The following FBXO22 variants were observed in gnomAD, a reference collection of about 807,000 sequenced individuals.
The protein encoded by FBXO22 is F-box only protein 22.
FBXO22 carries 13 observed loss-of-function variants against 37.2 expected under a neutral mutation model. The ratio of observed to expected loss-of-function variants is 0.35; its 90% CI spans 0.23 to 0.56. The LOEUF is 0.56. Among genes scored for constraint, FBXO22 ranks in the 20% least tolerant of loss-of-function variants. FBXO22 has a pLI of 0.87. For missense variants in FBXO22, 446 were observed against 509.9 expected, an observed-to-expected ratio of 0.87 and a Z score of 1.21; for synonymous variants, 189 against 189.1, an observed-to-expected ratio of 1.00 and a Z score of 0.00.
Position 75,934,812 on chromosome 15 carries a change from G to T in FBXO22, c.*1710G>T, listed in dbSNP as rs1306123764. On this transcript the variant is annotated 3_prime_UTR_variant, in exon 7 of 7. Transcript: ENST00000308275. ...ACTTTATTGTCCCTGATATTAACCA[G>T]AATTGGTTGAATAGTAGAGGAAAAG... 1.3e-5 allele frequency: 2 copies of T among 152,102 alleles called. No homozygotes were observed. Among genetic ancestry groups the T allele is most frequent in the Admixed American group, 1.3e-4 (2 of 15,270 alleles). 9.4% of individuals were successfully genotyped at this position (152,102 alleles called of 1,614,324 possible).
rs771290236 is a variant in FBXO22 at position 75,941,446 on chromosome 15, G to A, written c.*8344G>A. Reference sequence around the variant, plus strand: ...GGGTATATACACAAAATAATTGAAAGCGGAGGCTTGAGGGTATATTTGTAT... The same window carrying A: ...GGGTATATACACAAAATAATTGAAAACGGAGGCTTGAGGGTATATTTGTAT... On this transcript the variant is annotated 3_prime_UTR_variant, in exon 7 of 7. Transcript: ENST00000308275. 2.0e-5 allele frequency: 3 copies of A among 152,156 alleles called. No individual in the cohort carries two copies. The highest frequency in any genetic ancestry group is 7.2e-5 in the African/African-American group (3 of 41,452). 9.4% of individuals were successfully genotyped at this position (152,156 alleles called of 1,614,324 possible).
intron 1 of FBXO22, 156 bp downstream of exon 1, chr15:75,904,259 C>A: frequency 8.3e-7 from 1 of 1,198,304 alleles, no homozygotes; most frequent in Non-Finnish European, 1.1e-6. Context: ...CGAGGTATCT[C>A]CCAGCCGTGG....
Position 75,934,597 on chromosome 15 carries a change from C to G in FBXO22, c.*1495C>G, listed in dbSNP as rs1278575475. 6.6e-6 allele frequency: 1 copy of G among 151,802 alleles called. No individual in the cohort carries two copies. The highest frequency in any genetic ancestry group is 1.5e-5 in the Non-Finnish European group (1 of 67,978). 9.4% of individuals were successfully genotyped at this position (151,802 alleles called of 1,614,324 possible). On this transcript the variant is annotated 3_prime_UTR_variant, in exon 7 of 7. Transcript: ENST00000308275. ...TATTTATATATATATGATAAAAATG[C>G]TTGGAAGAGTCCTTTAATTTATGGT...
At chr15:75,926,683 C>A (rs1435033194) in intron 5 of FBXO22, among the ~76,000 whole-genome samples, 1 of 152,142 alleles carries the variant, frequency 6.6e-6, no homozygotes, top group African/African-American at 2.4e-5. Context: ...AAACGAGTGG[C>A]TGTGTACTCT....
intron 1 of FBXO22, 121 bp from the exon 2 acceptor site, chr15:75,904,370 C>G (rs536690717): frequency 1.6e-5 from 23 of 1,462,486 alleles, no homozygotes; most frequent in Non-Finnish European, 2.0e-5. Flanking sequence ...CCTACCTACC[C>G]CGGGGACTTT....
At chr15:75,927,658 A>G (rs1023720204) in intron 5 of FBXO22, among the ~76,000 whole-genome samples, 1 of 152,234 alleles carries the variant, frequency 6.6e-6, no homozygotes, top group Non-Finnish European at 1.5e-5. Context: ...AAGATGCTTT[A>G]GCAATGGTTT....
chr15:75,930,060 T>C lies in FBXO22; in HGVS notation c.794+11T>C, dbSNP rs775794407. On this transcript the variant is annotated intron_variant, in intron 6 of 6. Coordinates refer to ENST00000308275, the MANE Select transcript of FBXO22 (RefSeq NM_147188.3). ...ACTGACTTCTGAAAAGTATGTCTTGTGTGCTTCTGATTTCGTCTGTGAATG... is the reference window on the plus strand; with the variant it reads ...ACTGACTTCTGAAAAGTATGTCTTGCGTGCTTCTGATTTCGTCTGTGAATG... 2.5e-6 allele frequency: 4 copies of C among 1,613,902 alleles called. No individual in the cohort carries two copies. The highest frequency in any genetic ancestry group is 3.4e-6 in the Non-Finnish European group (4 of 1,179,792).
rs2030201421 is a variant in FBXO22 at position 75,934,666 on chromosome 15, G to C, written c.*1564G>C. On this transcript the variant is annotated 3_prime_UTR_variant, in exon 7 of 7. Transcript: ENST00000308275. ...CTGAGGCAAGTCCAAAGAAAAATTT[G>C]TCAAAACTTTTCATCTATGAATATT... The C allele has an allele frequency of 6.6e-6, 1 of 152,098 alleles. No homozygotes were observed. 9.4% of individuals were successfully genotyped at this position (152,098 alleles called of 1,614,324 possible).
chr15:75,936,917 T>C lies in FBXO22; in HGVS notation c.*3815T>C, dbSNP rs982442864. On this transcript the variant is annotated 3_prime_UTR_variant, in exon 7 of 7. Coordinates refer to ENST00000308275, the MANE Select transcript of FBXO22 (RefSeq NM_147188.3). Reference sequence around the variant, plus strand: ...AACAGATTTATAAAAGTTTTTGCTATATAGTGACTGTTAGCCAGTAAAAAC... The same window carrying C: ...AACAGATTTATAAAAGTTTTTGCTACATAGTGACTGTTAGCCAGTAAAAAC... 6.6e-6 allele frequency: 1 copy of C among 152,152 alleles called. No individual in the cohort carries two copies. Among genetic ancestry groups the C allele is most frequent in the Admixed American group, 6.5e-5 (1 of 15,278 alleles). 9.4% of individuals were successfully genotyped at this position (152,152 alleles called of 1,614,324 possible). A position where few individuals can be genotyped will look rare whatever the true frequency, so the allele number is the denominator to read the frequency against.
rs768987380 is a variant in FBXO22 at position 75,904,016 on chromosome 15, G to C, written c.53G>C (p.Arg18Pro). ...GECRGSSVDP[R>P]STFVLSNLAE... ...TGCCGCGGCTCCTCCGTAGACCCGC[G>C]GAGCACCTTCGTGTTGAGTAACCTG... The change falls in exon 1 of 7, where the codon CGG becomes CCG. Residue 18 changes from arginine to proline, a missense_variant. Arg to Pro is a moderately radical substitution (Grantham distance 103, BLOSUM62 -2). Transcript: ENST00000308275. 1.3e-6 allele frequency: 2 copies of C among 1,579,684 alleles called. No individual in the cohort carries two copies. Among genetic ancestry groups the C allele is most frequent in the African/African-American group, 2.7e-5 (2 of 74,622 alleles).
chr15:75,926,727 G>C (rs1900450403), intron 5 of FBXO22, among the ~76,000 whole-genome samples: 1 of 152,184 alleles, frequency 6.6e-6, no homozygotes, highest in Non-Finnish European at 1.5e-5. Context: ...TTAAAGGAGA[G>C]AAGGAAGGAT....
chr15:75,915,962 T>TCG (rs1900173527), intron 4 of FBXO22, among the ~76,000 whole-genome samples: 1 of 145,524 alleles, frequency 6.9e-6, no homozygotes, highest in East Asian at 2.0e-4. Context: ...TTCCAGCTAC[T>TCG]TGGGAGGCTG....
At chr15:75,918,310 C>A (rs534147556) in intron 5 of FBXO22, among the ~76,000 whole-genome samples, 1 of 151,256 alleles carries the variant, frequency 6.6e-6, no homozygotes, top group South Asian at 2.1e-4. Context: ...ACAACTATCC[C>A]TGACAATGTG....
chr15:75,927,513 T>A (rs1207458847), intron 5 of FBXO22, among the ~76,000 whole-genome samples: 1 of 152,232 alleles, frequency 6.6e-6, no homozygotes, highest in Non-Finnish European at 1.5e-5. Flanking sequence ...TAGTCACTTC[T>A]CTGGCATTGG....
At chr15:75,929,793 G>C in intron 5 of FBXO22, 91 bp from the exon 6 acceptor site, 3 of 1,506,852 alleles carry the variant, frequency 2.0e-6, no homozygotes, top group Non-Finnish European at 2.7e-6. Context: ...TTAAGGTGGA[G>C]TGCAAGTCAG....
intron 3 of FBXO22, 50 bp downstream of exon 3, chr15:75,913,340 TCC>T (rs1900110939): frequency 1.5e-6 from 2 of 1,299,894 alleles, no homozygotes; most frequent in Admixed American, 3.4e-5. Context: ...TCATGTGCCT[TCC>T]GTTCGGAGTT....
At chr15:75,907,751 T>A (rs938941579) in intron 2 of FBXO22, among the ~76,000 whole-genome samples, 38 of 151,282 alleles carry the variant, frequency 2.5e-4, no homozygotes, top group Non-Finnish European at 2.9e-4. Context: ...TATAAATATT[T>A]AAAAATATCA....
At chr15:75,925,962 A>G (rs528062376) in intron 5 of FBXO22, among the ~76,000 whole-genome samples, 20 of 152,334 alleles carry the variant, frequency 1.3e-4, no homozygotes, top group African/African-American at 4.8e-4. Context: ...TTGGTGGACA[A>G]CTACAGTAGT....
chr15:75,907,661 C>T lies in FBXO22; in HGVS notation c.279+3032C>T, dbSNP rs190505745. Among the ~76,000 whole-genome samples, 593 of 152,004 alleles carry T rather than the reference C, an allele frequency of 3.9e-3. 3 individuals are homozygous for T. Among genetic ancestry groups the T allele is most frequent in the African/African-American group, 0.013 (549 of 41,448 alleles). ...CTATAATCCCAGCACTTTGGAAAGC[C>T]GAGGCAGGCAAATCACTTGAGGTCA... On this transcript the variant is annotated intron_variant, in intron 2 of 6. Coordinates refer to ENST00000308275, the MANE Select transcript of FBXO22 (RefSeq NM_147188.3).
Sources: allele counts gnomAD v4.1 joint callset (sites outside exome capture counted in the v4.1 genomes callset), GRCh38; gene constraint gnomAD v4.1.1; transcripts MANE v1.5; gene names NCBI Gene and HGNC (gene_info 2026-07-23, HGNC 2026-07-21).